GRK4: variants seen among roughly 807,000 people sequenced by gnomAD.
GRK4 encodes the protein G protein-coupled receptor kinase 2-like.
Under a neutral mutation model 77.9 loss-of-function variants are expected in GRK4, and 73 were observed. The ratio of observed to expected loss-of-function variants is 0.94; its 90% CI spans 0.78 to 1.14. The LOEUF is 1.14. GRK4 is among the 50% of genes most tolerant of loss of function. GRK4 has a pLI of 0.00. For synonymous variants in GRK4, 257 were observed against 254.4 expected (o/e 1.01, Z -0.10); for missense variants, 729 against 700.2 (o/e 1.04, Z -0.46).
At chr4:3,007,885 C>A in intron 6 of GRK4, 57 bp downstream of exon 6, 1 of 1,154,164 alleles carries the variant, frequency 8.7e-7, no homozygotes, top group Non-Finnish European at 1.3e-6. Context: ...TGCCTGTAGT[C>A]CCAGCTACTC....
intron 1 of GRK4, chr4:2,969,309 G>A (rs1338463453): frequency 6.6e-6 from 1 of 151,802 alleles, no homozygotes; most frequent in African/African-American, 2.4e-5. Context: ...CAAATTGTTG[G>A]GATTCCAGGT....
At chr4:2,971,605 A>G (rs139473180) in intron 1 of GRK4, among the ~76,000 whole-genome samples, 1,580 of 152,332 alleles carry the variant, frequency 0.01, 37 homozygotes, top group Non-Finnish European at 7.8e-3. Flanking sequence ...CGGGGAGGAC[A>G]GTATTGTGTG....
chr4:2,964,949 A>C (rs1283314713), intron 1 of GRK4, among the ~76,000 whole-genome samples: 3 of 152,194 alleles, frequency 2.0e-5, no homozygotes, highest in Admixed American at 6.5e-5. Context: ...GTGAAGAAAA[A>C]AAAAAAAGAG....
intron 7 of GRK4, among the ~76,000 whole-genome samples, chr4:3,011,191 A>C (rs1213626472): frequency 1.3e-5 from 2 of 152,222 alleles, no homozygotes; most frequent in African/African-American, 4.8e-5. Flanking sequence ...GTGTTTACAA[A>C]GGAATGAAAG....
chr4:3,009,835 G>A, intron 7 of GRK4, 124 bp downstream of exon 7: 1 of 597,820 alleles, frequency 1.7e-6, no homozygotes. Flanking sequence ...GGTGTTTTGG[G>A]AATAATCTTT....
Position 3,019,733 on chromosome 4 carries a change from C to T in GRK4, c.834C>T (p.Asn278=), listed in dbSNP as rs534375159. ...NGGDLKFHIY[N]LGNPGFDEQR... ...GGGATTTGAAGTTTCACATTTACAA[C>T]CTGGGCAATCCCGGCTTTGATGAGC... The change falls in exon 9 of 16, where the codon AAC becomes AAT. Residue 278 remains asparagine, a synonymous_variant. Coordinates refer to ENST00000398052, the MANE Select transcript of GRK4 (RefSeq NM_182982.3). The T allele has an allele frequency of 2.5e-6, 4 of 1,614,176 alleles. No individual in the cohort carries two copies. Among genetic ancestry groups the T allele is most frequent in the Non-Finnish European group, 3.4e-6 (4 of 1,180,016 alleles).
rs1388994787 is a variant in GRK4 at position 3,029,333 on chromosome 4, T to C, written c.1193T>C (p.Val398Ala). 1 of 1,613,828 alleles carries C rather than the reference T, an allele frequency of 6.2e-7. No homozygotes were observed. Reference sequence around the variant, plus strand: ...AAAGAGAAAGTCAAATGGGAGGAGGTCGATCAAAGAATCAAGAATGATACC... The same window carrying C: ...AAAGAGAAAGTCAAATGGGAGGAGGCCGATCAAAGAATCAAGAATGATACC... ...KYKEKVKWEEVDQRIKNDTEE... is the reference protein window; with the variant it reads ...KYKEKVKWEEADQRIKNDTEE... Residue 398 changes from valine to alanine, a missense_variant, in exon 12 of 16, where the codon GTC (valine) becomes GCC (alanine). Coordinates refer to ENST00000398052, the MANE Select transcript of GRK4 (RefSeq NM_182982.3).
intron 3 of GRK4, among the ~76,000 whole-genome samples, chr4:2,989,338 T>C (rs1725434766): frequency 6.6e-6 from 1 of 152,256 alleles, no homozygotes; most frequent in Non-Finnish European, 1.5e-5. Context: ...GAATCACATG[T>C]AGTCATTGAA....
At chr4:2,989,323 T>C (rs1192770758) in intron 3 of GRK4, among the ~76,000 whole-genome samples, 1 of 152,258 alleles carries the variant, frequency 6.6e-6, no homozygotes, top group Non-Finnish European at 1.5e-5. Flanking sequence ...GTCTCAAGTG[T>C]TGGAGAATCA....
chr4:3,013,722 T>C lies in GRK4; in HGVS notation c.635T>C (p.Met212Thr). 5.0e-6 allele frequency: 8 copies of C among 1,613,106 alleles called. No homozygotes were observed. Among genetic ancestry groups the C allele is most frequent in the Non-Finnish European group, 6.8e-6 (8 of 1,179,680 alleles). The change falls in exon 8 of 16, where the codon ATG becomes ACG. Residue 212 changes from methionine to threonine, a missense_variant. Physicochemically the swap from Met to Thr is moderately conservative, Grantham distance 81. Transcript: ENST00000398052. Reference protein sequence around the residue: ...CACQVRATGKMYACKKLQKKR... With the variant: ...CACQVRATGKTYACKKLQKKR... ...TGTCAAGTGCGAGCCACAGGAAAAA[T>C]GTATGCCTGCAAAAAGCTACAAAAA...
At chr4:2,986,772 G>T (rs758510753) in intron 2 of GRK4, 26 of 294,600 alleles carry the variant, frequency 8.8e-5, no homozygotes, top group South Asian at 7.1e-4. Context: ...TTTATTCCAA[G>T]ATTATTTTTA....
At chr4:2,991,233 C>T (rs1285070108) in intron 3 of GRK4, among the ~76,000 whole-genome samples, 1 of 152,170 alleles carries the variant, frequency 6.6e-6, no homozygotes, top group Non-Finnish European at 1.5e-5. Flanking sequence ...GAATTTCTTC[C>T]TCCAGGAAGA....
chr4:2,965,436 G>C, intron 1 of GRK4: 1 of 703,054 alleles, frequency 1.4e-6, no homozygotes, highest in Admixed American at 2.0e-5. Context: ...CACTCTTACG[G>C]AATTGCTGAT....
chr4:2,974,460 C>T (rs145024263), intron 1 of GRK4, among the ~76,000 whole-genome samples: 70 of 152,312 alleles, frequency 4.6e-4, no homozygotes, highest in Middle Eastern at 3.4e-3. Flanking sequence ...ACTATCTCAA[C>T]GACGGTGTCA....
At chr4:2,976,467 G>A (rs1312773790) in intron 1 of GRK4, among the ~76,000 whole-genome samples, 2 of 151,460 alleles carry the variant, frequency 1.3e-5, no homozygotes, top group African/African-American at 4.9e-5. Context: ...AGGAGGTGTT[G>A]CCCAATTCTA....
chr4:3,005,568 C>T (rs1466121533), intron 5 of GRK4, among the ~76,000 whole-genome samples: 5 of 152,134 alleles, frequency 3.3e-5, no homozygotes, highest in African/African-American at 7.2e-5. Flanking sequence ...TTTGGGAGGC[C>T]GAGGCGGGCA....
chr4:2,979,097 C>T (rs907087043), intron 1 of GRK4, among the ~76,000 whole-genome samples: 11 of 151,838 alleles, frequency 7.2e-5, no homozygotes, highest in Non-Finnish European at 1.2e-4. Flanking sequence ...TGGTGATGGG[C>T]GCCTATAGTC....
chr4:2,977,739 C>T (rs145148190), intron 1 of GRK4, among the ~76,000 whole-genome samples: 22 of 152,176 alleles, frequency 1.4e-4, no homozygotes, highest in Non-Finnish European at 2.2e-4. Context: ...CGAGAGAGCA[C>T]GGAGAACCGT....
intron 1 of GRK4, among the ~76,000 whole-genome samples, chr4:2,983,900 A>G (rs367911412): frequency 6.6e-6 from 1 of 152,114 alleles, no homozygotes; most frequent in Non-Finnish European, 1.5e-5. Flanking sequence ...GTGGCAGGAG[A>G]GAGAGAGGGG....
Sources: gnomAD v4.1 joint callset for allele counts (sites outside exome capture counted in the v4.1 genomes callset) on GRCh38, gnomAD v4.1.1 for gene constraint, MANE v1.5 for transcripts, NCBI Gene and HGNC (gene_info 2026-07-23, HGNC 2026-07-21) for gene names.